RBM19: variants seen among roughly 807,000 people sequenced by gnomAD.
RBM19 encodes probable RNA-binding protein 19.
RBM19 carries 94 observed loss-of-function variants against 116.8 expected under a neutral mutation model. The observed-to-expected ratio is 0.80, with a 90% confidence interval of 0.68 to 0.95. RBM19 has a LOEUF of 0.95. RBM19 is among the 40% of genes least tolerant of loss of function. The probability of loss-of-function intolerance (pLI) is 0.00; values close to 1 mark genes in which losing one functional copy is unlikely to be tolerated. For missense variants in RBM19, 1,161 were observed against 1,220.7 expected (o/e 0.95, Z 0.73); for synonymous variants, 475 against 494.1 (o/e 0.96, Z 0.51).
At chr12:113,944,841 G>A (rs1870884210) in intron 13 of RBM19, among the ~76,000 whole-genome samples, 1 of 143,694 alleles carries the variant, frequency 7.0e-6, no homozygotes, top group Non-Finnish European at 1.5e-5. Context: ...GTATATGAAT[G>A]TGTATATATA....
At chr12:113,917,671 T>C (rs539323381) in intron 20 of RBM19, among the ~76,000 whole-genome samples, 3 of 152,318 alleles carry the variant, frequency 2.0e-5, no homozygotes, top group South Asian at 4.1e-4. Flanking sequence ...ACCAAATAAA[T>C]ATCTGAAACC....
intron 22 of RBM19, among the ~76,000 whole-genome samples, chr12:113,857,870 C>T (rs1302181022): frequency 3.3e-5 from 5 of 152,238 alleles, no homozygotes; most frequent in Admixed American, 2.6e-4. Flanking sequence ...GCTGTGACTC[C>T]AGGAAATGTT....
rs1455926636 is a variant in RBM19, at chr12:113,823,216, G to C, written c.*8C>G. 1.9e-6 allele frequency: 3 copies of C among 1,607,790 alleles called. No individual in the cohort carries two copies. The highest frequency in any genetic ancestry group is 4.5e-5 in the East Asian group (2 of 44,884). ...GGCCCCGGAGCCACACACCCTCTCG[G>C]TGCCAGCTCACAGCTGAAGGGTCTG... On this transcript the variant is annotated 3_prime_UTR_variant, in exon 24 of 24. Transcript: ENST00000261741.
At chr12:113,828,265 G>A (rs3782424) in intron 23 of RBM19, among the ~76,000 whole-genome samples, 8,533 of 152,152 alleles carry the variant, frequency 0.056, 533 homozygotes, top group East Asian at 0.34. Flanking sequence ...TGCACCTCTC[G>A]TTTCTCTTGA....
chr12:113,836,360 A>G (rs1320384592), intron 23 of RBM19, among the ~76,000 whole-genome samples: 2 of 152,194 alleles, frequency 1.3e-5, no homozygotes, highest in Non-Finnish European at 2.9e-5. Flanking sequence ...ACTCAGGCCA[A>G]CTTTTACAAT....
chr12:113,966,044 C>T, intron 1 of RBM19, 148 bp downstream of exon 1: 1 of 856,876 alleles, frequency 1.2e-6, no homozygotes, highest in Non-Finnish European at 1.9e-6. Flanking sequence ...GGGGATAAGC[C>T]CAGGATCCCG....
intron 21 of RBM19, among the ~76,000 whole-genome samples, chr12:113,864,831 T>A (rs1457411252): frequency 6.6e-6 from 1 of 152,172 alleles, no homozygotes; most frequent in Non-Finnish European, 1.5e-5. Context: ...ATCCAATCAG[T>A]CTGGTGGGTT....
Position 113,955,130 on chromosome 12 carries a change from C to A in RBM19, c.921+1G>T, listed in dbSNP as rs757575648. ...GACCCTTGTCCTCAGTTAGCACATACCTCTGTGACATTGAACGGGGCTCCC... is the reference window on the plus strand; with the variant it reads ...GACCCTTGTCCTCAGTTAGCACATAACTCTGTGACATTGAACGGGGCTCCC... On this transcript the variant is annotated splice_donor_variant, in intron 7 of 23. Coordinates refer to ENST00000261741, the MANE Select transcript of RBM19 (RefSeq NM_016196.4). LOFTEE classifies it high-confidence loss of function. 1.7e-5 allele frequency: 28 copies of A among 1,614,034 alleles called. No individual in the cohort carries two copies. The highest frequency in any genetic ancestry group is 1.7e-4 in the Middle Eastern group (1 of 5,962).
At chr12:113,855,038 G>A (rs4767145) in intron 22 of RBM19, among the ~76,000 whole-genome samples, 1 of 152,136 alleles carries the variant, frequency 6.6e-6, no homozygotes, top group Admixed American at 6.5e-5. Context: ...CAGTTTGGGG[G>A]TATGTGTGCT....
At chr12:113,958,481 G>C (rs1398639264) in intron 5 of RBM19, among the ~76,000 whole-genome samples, 5 of 152,034 alleles carry the variant, frequency 3.3e-5, no homozygotes, top group Admixed American at 3.3e-4. Flanking sequence ...AACCCACATT[G>C]AGCCCCTCAA....
intron 8 of RBM19, among the ~76,000 whole-genome samples, chr12:113,951,442 T>C (rs1385721111): frequency 6.6e-6 from 1 of 152,024 alleles, no homozygotes; most frequent in African/African-American, 2.4e-5. Context: ...TTTCATGGAG[T>C]GTGCAACAGG....
chr12:113,870,108 G>C (rs767556415), intron 21 of RBM19, among the ~76,000 whole-genome samples: 5 of 152,230 alleles, frequency 3.3e-5, no homozygotes, highest in Non-Finnish European at 5.9e-5. Flanking sequence ...GATGAGGCAG[G>C]AGGAGAAGAT....
chr12:113,886,583 C>A (rs1389138876), intron 21 of RBM19, among the ~76,000 whole-genome samples: 2 of 152,258 alleles, frequency 1.3e-5, no homozygotes, highest in African/African-American at 2.4e-5. Context: ...CTCAGCTCTG[C>A]ATAGTCCACC....
intron 23 of RBM19, among the ~76,000 whole-genome samples, chr12:113,837,246 T>TACATACACACACAC (rs1555229675): frequency 7.9e-6 from 1 of 126,806 alleles, no homozygotes; most frequent in African/African-American, 3.1e-5. Context: ...ATCCTCCTAA[T>TACATACACACACAC]ACACACACAC....
intron 21 of RBM19, among the ~76,000 whole-genome samples, chr12:113,906,440 G>C (rs1412770355): frequency 6.6e-6 from 1 of 152,194 alleles, no homozygotes; most frequent in African/African-American, 2.4e-5. Context: ...AGTTAAGAGA[G>C]TGGCTGCTCT....
intron 21 of RBM19, among the ~76,000 whole-genome samples, chr12:113,912,668 C>A (rs1047652980): frequency 6.6e-6 from 1 of 152,224 alleles, no homozygotes; most frequent in African/African-American, 2.4e-5. Flanking sequence ...AAGCTCAGAG[C>A]CCCGCACACA....
In RBM19 at chr12:113,903,487, C is replaced by T. The variant is rs1881841155; in HGVS notation, c.2558+11482G>A. Among the ~76,000 whole-genome samples, 1 of 152,220 alleles carries T rather than the reference C, an allele frequency of 6.6e-6. No homozygotes were observed. The highest frequency in any genetic ancestry group is 1.5e-5 in the Non-Finnish European group (1 of 68,038). On this transcript the variant is annotated intron_variant, in intron 21 of 23. Transcript: ENST00000261741. This position sits in a 1 kb window ranked among gnomAD's most constrained non-coding sequence, Gnocchi z 5.1. ...TGTTGTTGATGCCCAAGAGTGCAATCACTGGGTCATAGAGAAAGTGCACGT... is the reference window on the plus strand; with the variant it reads ...TGTTGTTGATGCCCAAGAGTGCAATTACTGGGTCATAGAGAAAGTGCACGT...
intron 23 of RBM19, among the ~76,000 whole-genome samples, chr12:113,824,958 C>G (rs1193800655): frequency 6.6e-6 from 1 of 152,128 alleles, no homozygotes; most frequent in Non-Finnish European, 1.5e-5. Flanking sequence ...GCTGGCCCAC[C>G]TCCCCCTGCT....
rs148522051 is a variant in RBM19 at position 113,933,738 on chromosome 12, T to G, written c.2068+3269A>C. Among the ~76,000 whole-genome samples the G allele has an allele frequency of 8.5e-5, 13 of 152,312 alleles. No homozygotes were observed. In the East Asian group the frequency reaches 2.1e-3, roughly 25 times the overall value. On this transcript the variant is annotated intron_variant, in intron 16 of 23. Coordinates refer to ENST00000261741, the MANE Select transcript of RBM19 (RefSeq NM_016196.4). Reference sequence around the variant, plus strand: ...CTCCGTGATGCACCCTGTGCTGTGATGCAGACATTTCTGTACTCAGGGCCC... The same window carrying G: ...CTCCGTGATGCACCCTGTGCTGTGAGGCAGACATTTCTGTACTCAGGGCCC...
Sources: allele counts gnomAD v4.1 joint callset (sites outside exome capture counted in the v4.1 genomes callset), GRCh38; gene constraint gnomAD v4.1.1; non-coding constraint Gnocchi (gnomAD v3.1); transcripts MANE v1.5; gene names NCBI Gene and HGNC (gene_info 2026-07-23, HGNC 2026-07-21).